The following CAB39L variants were observed in gnomAD, a reference collection of about 807,000 sequenced individuals.
CAB39L encodes calcium binding protein 39 like, also known as calcium-binding protein 39-like.
Under a neutral mutation model 39.1 loss-of-function variants are expected in CAB39L, and 23 were observed. The ratio of observed to expected loss-of-function variants is 0.59; its 90% CI spans 0.42 to 0.83. The LOEUF (loss-of-function observed/expected upper bound fraction) is 0.83. CAB39L is among the 40% of genes least tolerant of loss of function. The pLI, the probability that CAB39L is intolerant of heterozygous loss-of-function variation, is 0.00. For missense variants in CAB39L, 366 were observed against 391.9 expected, an observed-to-expected ratio of 0.93 and a Z score of 0.56; for synonymous variants, 126 against 137.2, an observed-to-expected ratio of 0.92 and a Z score of 0.57.
intron 3 of CAB39L, among the ~76,000 whole-genome samples, chr13:49,391,655 A>G (rs1208620497): frequency 1.3e-5 from 2 of 152,166 alleles, no homozygotes; most frequent in Non-Finnish European, 2.9e-5. Context: ...TTCTATAATC[A>G]CATCATACAC....
At chr13:49,334,138 C>G (rs1954787267) in intron 9 of CAB39L, among the ~76,000 whole-genome samples, 2 of 152,160 alleles carry the variant, frequency 1.3e-5, no homozygotes, top group Non-Finnish European at 2.9e-5. Context: ...AGCCAGTAAT[C>G]TCATTCAAAC....
At position 49,339,754 on chromosome 13, in the gene CAB39L, A is replaced by C; in HGVS notation, c.625-12T>G. 6.4e-7 allele frequency: 1 copy of C among 1,568,600 alleles called. No homozygotes were observed. Among genetic ancestry groups the C allele is most frequent in the Non-Finnish European group, 8.6e-7 (1 of 1,159,096 alleles). On this transcript the variant is annotated splice_polypyrimidine_tract_variant and intron_variant, in intron 8 of 10. Transcript: ENST00000409308. ...TAGTCTTCAAAAATCTAATGAAAAGAAAATACACATTAGAGTGTAAAAGCA... is the reference window on the plus strand; with the variant it reads ...TAGTCTTCAAAAATCTAATGAAAAGCAAATACACATTAGAGTGTAAAAGCA...
chr13:49,318,065 C>T (rs2138340545), intron 10 of CAB39L, among the ~76,000 whole-genome samples: 1 of 152,184 alleles, frequency 6.6e-6, no homozygotes, highest in East Asian at 1.9e-4. Flanking sequence ...CAATGAGATA[C>T]CACTTCGCAC....
chr13:49,365,491 A>G (rs553124596), intron 5 of CAB39L, among the ~76,000 whole-genome samples: 3 of 152,200 alleles, frequency 2.0e-5, no homozygotes, highest in Non-Finnish European at 2.9e-5. Context: ...AGTGAAGGGT[A>G]CAATCAACAA....
At chr13:49,408,662 C>CA (rs577608683) in intron 3 of CAB39L, among the ~76,000 whole-genome samples, 19 of 151,920 alleles carry the variant, frequency 1.3e-4, no homozygotes, top group African/African-American at 3.6e-4. Context: ...CCATCTCTAC[C>CA]AAAAAAATAC....
Position 49,346,586 on chromosome 13 carries a change from G to A in CAB39L, c.565-2348C>T, listed in dbSNP as rs79327263. 4.0e-3 allele frequency among the ~76,000 whole-genome samples: 602 copies of A among 152,192 alleles called. 7 individuals are homozygous for A. The highest frequency in any genetic ancestry group is 0.039 in the East Asian group (199 of 5,162). On this transcript the variant is annotated intron_variant, in intron 7 of 10. Coordinates refer to ENST00000409308, the MANE Select transcript of CAB39L (RefSeq NM_001079670.3). ...TGAATACTGCTTGAGAGAAACTTGGGGTAGAGTGAGAGAGACACTTAATTG... is the reference window on the plus strand; with the variant it reads ...TGAATACTGCTTGAGAGAAACTTGGAGTAGAGTGAGAGAGACACTTAATTG...
intron 10 of CAB39L, among the ~76,000 whole-genome samples, chr13:49,323,881 T>G (rs1954425360): frequency 6.6e-6 from 1 of 152,210 alleles, no homozygotes; most frequent in African/African-American, 2.4e-5. Flanking sequence ...ATGAGTAATT[T>G]TTTTAATGTT....
chr13:49,375,515 A>G (rs181462186), intron 5 of CAB39L, among the ~76,000 whole-genome samples: 1 of 152,332 alleles, frequency 6.6e-6, no homozygotes, highest in East Asian at 1.9e-4. Flanking sequence ...AAGAGGAAAA[A>G]GAAAAAGATT....
At chr13:49,339,255 C>T (rs916956088) in intron 9 of CAB39L, among the ~76,000 whole-genome samples, 31 of 151,566 alleles carry the variant, frequency 2.0e-4, no homozygotes, top group Admixed American at 3.3e-4. Context: ...CTCAGCCTCC[C>T]GAGTAGCTGA....
At chr13:49,442,103 T>C (rs1401833854) in intron 1 of CAB39L, among the ~76,000 whole-genome samples, 1 of 152,198 alleles carries the variant, frequency 6.6e-6, no homozygotes. Context: ...TTTGCATTTT[T>C]CCAATGACGG....
chr13:49,417,761 A>G (rs1957108310), intron 3 of CAB39L, among the ~76,000 whole-genome samples: 1 of 152,184 alleles, frequency 6.6e-6, no homozygotes, highest in Non-Finnish European at 1.5e-5. Flanking sequence ...AGTTTTCAGC[A>G]GTGCTTACAG....
rs1238102070 is a variant in CAB39L at position 49,310,763 on chromosome 13, T to G, written c.*51A>C. On this transcript the variant is annotated 3_prime_UTR_variant, in exon 11 of 11. Coordinates refer to ENST00000409308, the MANE Select transcript of CAB39L (RefSeq NM_001079670.3). ...GATGACTTTCTGAAATGACACACTG[T>G]ACAAACTGGACAAATGAGACGACTG... 6.3e-7 allele frequency: 1 copy of G among 1,583,862 alleles called. No homozygotes were observed. The highest frequency in any genetic ancestry group is 2.2e-5 in the East Asian group (1 of 44,668).
At chr13:49,385,860 C>T (rs1450755074) in intron 3 of CAB39L, among the ~76,000 whole-genome samples, 1 of 152,112 alleles carries the variant, frequency 6.6e-6, no homozygotes, top group African/African-American at 2.4e-5. Flanking sequence ...ATCACCACAA[C>T]ATATGTACTA....
At chr13:49,374,700 A>G (rs1956010130) in intron 5 of CAB39L, among the ~76,000 whole-genome samples, 1 of 152,162 alleles carries the variant, frequency 6.6e-6, no homozygotes, top group African/African-American at 2.4e-5. Flanking sequence ...CTAACTCCCC[A>G]ATTCTTGGAA....
chr13:49,368,363 C>G (rs1955827227), intron 5 of CAB39L, among the ~76,000 whole-genome samples: 1 of 152,218 alleles, frequency 6.6e-6, no homozygotes, highest in South Asian at 2.1e-4. Context: ...GAAAGGATTA[C>G]AGAACACTGA....
At chr13:49,442,809 AAAAAAAAAAAC>A (rs1020617425) in intron 1 of CAB39L, among the ~76,000 whole-genome samples, 20 of 149,566 alleles carry the variant, frequency 1.3e-4, no homozygotes, top group African/African-American at 9.8e-5. Flanking sequence ...AAAAAAAAAA[AAAAAAAAAAAC>A]ATCAATTATT....
At chr13:49,382,652 T>C in intron 4 of CAB39L, 148 bp downstream of exon 4, 2 of 593,420 alleles carry the variant, frequency 3.4e-6, no homozygotes, top group South Asian at 3.9e-5. Flanking sequence ...ATCAGTTGCA[T>C]AAAACCTGAA....
At chr13:49,313,815 G>A (rs1458720018) in intron 10 of CAB39L, among the ~76,000 whole-genome samples, 2 of 152,154 alleles carry the variant, frequency 1.3e-5, no homozygotes, top group African/African-American at 2.4e-5. Context: ...GCTGTGCAGT[G>A]CCCAACTCTA....
chr13:49,396,075 G>A (rs1056489544), intron 3 of CAB39L, among the ~76,000 whole-genome samples: 1 of 141,406 alleles, frequency 7.1e-6, no homozygotes, highest in African/African-American at 2.7e-5. Context: ...TCCAGCCTGG[G>A]CAACACAGTG....
Sources: gnomAD v4.1 joint callset for allele counts (sites outside exome capture counted in the v4.1 genomes callset) on GRCh38, gnomAD v4.1.1 for gene constraint, MANE v1.5 for transcripts, NCBI Gene and HGNC (gene_info 2026-07-23, HGNC 2026-07-21) for gene names.